Variants in KCNIP4 observed in about 807,000 individuals in gnomAD.
KCNIP4 encodes potassium voltage-gated channel interacting protein 4, also known as Kv channel-interacting protein 4.
Under a neutral mutation model 34.0 loss-of-function variants are expected in KCNIP4, and 12 were observed. The ratio of observed to expected loss-of-function variants is 0.35; its 90% CI spans 0.23 to 0.57. KCNIP4 has a LOEUF of 0.57. Ranked by LOEUF, KCNIP4 falls within the 20% of genes least tolerant of loss-of-function variation. The probability of loss-of-function intolerance (pLI) is 0.83; values close to 1 mark genes in which losing one functional copy is unlikely to be tolerated. For missense variants in KCNIP4, 238 were observed against 311.7 expected (o/e 0.76, Z 1.78); for synonymous variants, 124 against 102.2 (o/e 1.21, Z -1.29).
chr4:21,522,307 CA>C (rs1735598667), intron 1 of KCNIP4, among the ~76,000 whole-genome samples: 1 of 151,986 alleles, frequency 6.6e-6, no homozygotes. Context: ...CATTATTGTA[CA>C]AAATGTTTTA....
chr4:21,342,951 T>C (rs1469585446), intron 1 of KCNIP4, among the ~76,000 whole-genome samples: 1 of 152,162 alleles, frequency 6.6e-6, no homozygotes, highest in Non-Finnish European at 1.5e-5. Context: ...GTATCATGTG[T>C]TTTGAATAAA....
At chr4:21,775,280 C>T (rs1028102860) in intron 1 of KCNIP4, among the ~76,000 whole-genome samples, 1 of 152,124 alleles carries the variant, frequency 6.6e-6, no homozygotes, top group Non-Finnish European at 1.5e-5. Context: ...TGATTCACTC[C>T]TGTGCCTGGA....
At chr4:21,367,223 T>G (rs1423559629) in intron 1 of KCNIP4, among the ~76,000 whole-genome samples, 1 of 152,162 alleles carries the variant, frequency 6.6e-6, no homozygotes, top group Non-Finnish European at 1.5e-5. Context: ...AGGTTTTTTT[T>G]GTTGTAGCAG....
Position 21,036,844 on chromosome 4 carries a change from G to C in KCNIP4, c.62-154135C>G, listed in dbSNP as rs1315338714. Reference sequence around the variant, plus strand: ...GTCAACAACAGACCACATGTATGATGATGGTCCCATAAGATTATAATTAAA... The same window carrying C: ...GTCAACAACAGACCACATGTATGATCATGGTCCCATAAGATTATAATTAAA... On this transcript the variant is annotated intron_variant, in intron 1 of 8. Transcript: ENST00000382152. Among the ~76,000 whole-genome samples, 4 of 152,352 alleles carry C rather than the reference G, an allele frequency of 2.6e-5. No homozygotes were observed. In the East Asian group the frequency reaches 7.7e-4, roughly 29 times the overall value.
intron 3 of KCNIP4, among the ~76,000 whole-genome samples, chr4:20,814,062 T>C (rs1355968829): frequency 6.6e-6 from 1 of 152,114 alleles, no homozygotes; most frequent in Non-Finnish European, 1.5e-5. Flanking sequence ...GCTGCTTCCA[T>C]TTTCCTAGTT....
At chr4:20,735,868 G>C (rs150327508) in intron 5 of KCNIP4, among the ~76,000 whole-genome samples, 1 of 152,098 alleles carries the variant, frequency 6.6e-6, no homozygotes, top group East Asian at 1.9e-4. Flanking sequence ...CAGGGTTAAC[G>C]TTACAATGTG....
intron 1 of KCNIP4, among the ~76,000 whole-genome samples, chr4:21,434,674 C>T (rs115529236): frequency 0.011 from 1,593 of 151,578 alleles, 9 homozygotes; most frequent in Non-Finnish European, 0.017. Context: ...TGCCGGGGAT[C>T]TATGTTGCAC....
chr4:21,872,638 T>C (rs1188038418), intron 1 of KCNIP4, among the ~76,000 whole-genome samples: 1 of 152,176 alleles, frequency 6.6e-6, no homozygotes, highest in Non-Finnish European at 1.5e-5. Flanking sequence ...TAAGAAGGAA[T>C]AGATAATAGA....
chr4:21,171,671 C>T (rs972219595), intron 1 of KCNIP4, among the ~76,000 whole-genome samples: 1 of 152,100 alleles, frequency 6.6e-6, no homozygotes, highest in African/African-American at 2.4e-5. Flanking sequence ...TTCTTTTTAG[C>T]TTGGTGACCT....
intron 1 of KCNIP4, among the ~76,000 whole-genome samples, chr4:21,693,673 T>C (rs535893392): frequency 6.6e-6 from 1 of 152,296 alleles, no homozygotes; most frequent in East Asian, 1.9e-4. Flanking sequence ...CAAAGAAAAC[T>C]TGTGAAACAA....
intron 1 of KCNIP4, among the ~76,000 whole-genome samples, chr4:21,101,185 G>C (rs556228283): frequency 3.7e-4 from 56 of 152,196 alleles, no homozygotes; most frequent in African/African-American, 1.3e-3. Flanking sequence ...GCATTGTTCA[G>C]CTCCCACTTA....
At position 21,814,470 on chromosome 4, in the gene KCNIP4, C is replaced by T. The variant is rs374960959; in HGVS notation, c.61+134101G>A. Among the ~76,000 whole-genome samples the T allele has an allele frequency of 6.6e-5, 10 of 152,168 alleles. No individual in the cohort carries two copies. In the East Asian group the frequency reaches 7.7e-4, roughly 12 times the overall value. On this transcript the variant is annotated intron_variant, in intron 1 of 8. Transcript: ENST00000382152. ...GGGAGTTTCCCTGCACAAGCTCTCT[C>T]CTGCCTGTCGCCACGTAAGACGTCC...
chr4:20,809,045 G>C (rs1431769004), intron 3 of KCNIP4, among the ~76,000 whole-genome samples: 2 of 152,154 alleles, frequency 1.3e-5, no homozygotes, highest in Non-Finnish European at 2.9e-5. Context: ...GGACACATCT[G>C]TTACTCCACA....
chr4:21,296,975 T>G (rs1763873840), intron 1 of KCNIP4, among the ~76,000 whole-genome samples: 1 of 151,820 alleles, frequency 6.6e-6, no homozygotes, highest in Non-Finnish European at 1.5e-5. Flanking sequence ...TGTGTGTGTA[T>G]ATATTTATAT....
At chr4:21,114,320 A>T (rs1577717631) in intron 1 of KCNIP4, among the ~76,000 whole-genome samples, 2 of 152,248 alleles carry the variant, frequency 1.3e-5, no homozygotes, top group Middle Eastern at 3.4e-3. Flanking sequence ...AACCAAGAAA[A>T]ATCTGTTAAT....
intron 1 of KCNIP4, among the ~76,000 whole-genome samples, chr4:21,464,501 A>G (rs895295262): frequency 4.6e-5 from 7 of 151,996 alleles, no homozygotes; most frequent in Non-Finnish European, 4.4e-5. Context: ...GTGAATTTCT[A>G]AATTTCCTTC....
chr4:20,748,937 T>C (rs917779372), intron 5 of KCNIP4, among the ~76,000 whole-genome samples: 13 of 150,628 alleles, frequency 8.6e-5, no homozygotes, highest in Non-Finnish European at 1.8e-4. Context: ...ATATAAGCTA[T>C]GTAAATATCT....
At chr4:20,840,805 GACGTGCTGGATACCAAC>G (rs1331490989) in intron 3 of KCNIP4, among the ~76,000 whole-genome samples, 1 of 152,174 alleles carries the variant, frequency 6.6e-6, no homozygotes, top group Non-Finnish European at 1.5e-5. Context: ...TACATATGGT[GACGTGCTGGATACCAAC>G]ACCCCCATCT....
rs549917077 is a variant in KCNIP4, at chr4:21,851,799, T to C, written c.61+96772A>G. The C allele has an allele frequency of 7.2e-5, 11 of 152,262 alleles. No individual in the cohort carries two copies. In the South Asian group the frequency reaches 1.9e-3, roughly 26 times the overall value. The allele number at this position is 152,262 out of a possible 1,614,324, so 9.4% of individuals were successfully genotyped here. On this transcript the variant is annotated intron_variant, in intron 1 of 8. Transcript: ENST00000382152. ...AATCTCCAAGCTTTAGTTTTTTAAA[T>C]TGTCAGATGGGTGCATAGGTGAAGG...
Sources: gnomAD v4.1 joint callset for allele counts (sites outside exome capture counted in the v4.1 genomes callset) on GRCh38, gnomAD v4.1.1 for gene constraint, MANE v1.5 for transcripts, NCBI Gene and HGNC (gene_info 2026-07-23, HGNC 2026-07-21) for gene names.